The following OXR1 variants were observed in gnomAD, a reference collection of about 807,000 sequenced individuals.
OXR1 encodes oxidation resistance protein 1.
Under a neutral mutation model 104.6 loss-of-function variants are expected in OXR1, and 41 were observed. That is an observed-to-expected ratio of 0.39 (90% CI 0.31 to 0.51). OXR1 has a LOEUF of 0.51. Ranked by LOEUF, OXR1 falls within the 20% of genes least tolerant of loss-of-function variation. The probability of loss-of-function intolerance (pLI) is 0.77; values close to 1 mark genes in which losing one functional copy is unlikely to be tolerated. For synonymous variants in OXR1, 348 were observed against 348.4 expected (o/e 1.00, Z 0.01); for missense variants, 955 against 1,031.9 (o/e 0.93, Z 1.02).
intron 1 of OXR1, among the ~76,000 whole-genome samples, chr8:106,300,665 G>A (rs958669780): frequency 3.9e-5 from 6 of 152,176 alleles, no homozygotes; most frequent in Admixed American, 1.3e-4. Context: ...GGACTGTGCT[G>A]TACAGACATT....
intron 11 of OXR1, among the ~76,000 whole-genome samples, chr8:106,736,279 A>G (rs1215404519): frequency 2.0e-5 from 3 of 151,706 alleles, no homozygotes; most frequent in Non-Finnish European, 4.4e-5. Flanking sequence ...TATAATAATA[A>G]TGGCCAGAAT....
intron 2 of OXR1, among the ~76,000 whole-genome samples, chr8:106,496,495 A>C (rs890281049): frequency 6.6e-6 from 1 of 152,182 alleles, no homozygotes; most frequent in East Asian, 1.9e-4. Flanking sequence ...ATGTCTCCTC[A>C]ATCCAGGAAC....
intron 2 of OXR1, among the ~76,000 whole-genome samples, chr8:106,477,482 TTGAA>T (rs1176915752): frequency 2.6e-5 from 4 of 152,138 alleles, no homozygotes; most frequent in East Asian, 1.9e-4. Context: ...TCTCTAGACT[TTGAA>T]TGGCTCTGTG....
intron 2 of OXR1, among the ~76,000 whole-genome samples, chr8:106,396,111 A>G (rs1174300148): frequency 6.6e-6 from 1 of 152,118 alleles, no homozygotes; most frequent in Non-Finnish European, 1.5e-5. Context: ...ACATAAATAC[A>G]TAAATAAATA....
rs1421665364 is a variant in OXR1 at position 106,730,889 on chromosome 8, AAAAG to A, written c.1957-6619_1957-6616del. 3.3e-5 allele frequency among the ~76,000 whole-genome samples: 5 copies of A among 152,050 alleles called. 1 individual carries two copies. Among genetic ancestry groups the A allele is most frequent in the Admixed American group, 6.6e-5 (1 of 15,266 alleles). Reference sequence around the variant, plus strand: ...TAGTTAGACCTTGTCTTTAAAAAAAAAAAGAAAGAAAGAAAAAATAAGAAACAAA... The same window carrying A: ...TAGTTAGACCTTGTCTTTAAAAAAAAAAAGAAAGAAAAAATAAGAAACAAA... On this transcript the variant is annotated intron_variant, in intron 11 of 16. Coordinates refer to ENST00000517566, the MANE Select transcript of OXR1 (RefSeq NM_001198533.2).
At chr8:106,503,109 C>G (rs1022332710) in intron 2 of OXR1, among the ~76,000 whole-genome samples, 9 of 151,786 alleles carry the variant, frequency 5.9e-5, no homozygotes, top group African/African-American at 2.2e-4. Context: ...ACTCAATAAT[C>G]CTTCAATGAA....
intron 1 of OXR1, among the ~76,000 whole-genome samples, chr8:106,306,084 A>G (rs977919194): frequency 6.6e-6 from 1 of 151,566 alleles, no homozygotes; most frequent in Non-Finnish European, 1.5e-5. Context: ...GAATCTGATT[A>G]TCTAGATTTT....
chr8:106,650,307 T>C (rs1824455272), intron 3 of OXR1, among the ~76,000 whole-genome samples: 1 of 152,186 alleles, frequency 6.6e-6, no homozygotes. Context: ...TACTTTCCCA[T>C]TACGCTGCTA....
At chr8:106,573,889 T>A (rs982916068) in intron 3 of OXR1, among the ~76,000 whole-genome samples, 1 of 149,110 alleles carries the variant, frequency 6.7e-6, no homozygotes, top group African/African-American at 2.5e-5. Flanking sequence ...CTGGGCCATG[T>A]GGCATTTAAT....
intron 2 of OXR1, among the ~76,000 whole-genome samples, chr8:106,501,172 C>T (rs1332701849): frequency 6.6e-6 from 1 of 152,112 alleles, no homozygotes; most frequent in Non-Finnish European, 1.5e-5. Flanking sequence ...CCCTCTGTTG[C>T]TCAGGCAGTG....
intron 1 of OXR1, among the ~76,000 whole-genome samples, chr8:106,333,513 G>A (rs1226757016): frequency 6.6e-6 from 1 of 151,852 alleles, no homozygotes; most frequent in Non-Finnish European, 1.5e-5. Flanking sequence ...TTCTGTTTTT[G>A]GTTGGCTGTG....
intron 1 of OXR1, among the ~76,000 whole-genome samples, chr8:106,358,938 T>G (rs1166533094): frequency 6.6e-6 from 1 of 152,180 alleles, no homozygotes; most frequent in East Asian, 1.9e-4. Flanking sequence ...ATTTAGTGAA[T>G]AATTTAATTC....
At chr8:106,493,528 A>G (rs1157159973) in intron 2 of OXR1, among the ~76,000 whole-genome samples, 2 of 152,102 alleles carry the variant, frequency 1.3e-5, no homozygotes. Flanking sequence ...AGTGTAATTA[A>G]CTTCCCGTTT....
At chr8:106,586,569 G>T (rs1818647054) in intron 3 of OXR1, among the ~76,000 whole-genome samples, 1 of 152,178 alleles carries the variant, frequency 6.6e-6, no homozygotes, top group Non-Finnish European at 1.5e-5. Flanking sequence ...AACTGTACTA[G>T]AAATATTGAT....
At chr8:106,364,031 C>T (rs1202501489) in intron 2 of OXR1, among the ~76,000 whole-genome samples, 1 of 151,876 alleles carries the variant, frequency 6.6e-6, no homozygotes, top group Non-Finnish European at 1.5e-5. Context: ...GTGCTGGTAA[C>T]TGGGAAATAC....
chr8:106,386,625 C>T (rs558289340), intron 2 of OXR1, among the ~76,000 whole-genome samples: 2 of 152,248 alleles, frequency 1.3e-5, no homozygotes, highest in Admixed American at 6.5e-5. Flanking sequence ...TTTTTCTTCT[C>T]CTGCCCTCCT....
At chr8:106,573,242 C>T (rs1817597615) in intron 3 of OXR1, among the ~76,000 whole-genome samples, 1 of 151,998 alleles carries the variant, frequency 6.6e-6, no homozygotes, top group South Asian at 2.1e-4. Flanking sequence ...TCAAGAACCA[C>T]CCCACCCCTG....
At chr8:106,677,085 A>G (rs1401908058) in intron 3 of OXR1, among the ~76,000 whole-genome samples, 1 of 152,118 alleles carries the variant, frequency 6.6e-6, no homozygotes, top group Non-Finnish European at 1.5e-5. Context: ...AAGTAAATAC[A>G]AACTAACGGT....
chr8:106,709,020 A>G (rs1264859032), intron 9 of OXR1, among the ~76,000 whole-genome samples: 2 of 152,134 alleles, frequency 1.3e-5, no homozygotes, highest in African/African-American at 4.8e-5. Flanking sequence ...ACTTGAACCA[A>G]GTTCTATAAA....
Sources: allele counts gnomAD v4.1 joint callset (sites outside exome capture counted in the v4.1 genomes callset), GRCh38; gene constraint gnomAD v4.1.1; transcripts MANE v1.5; gene names NCBI Gene and HGNC (gene_info 2026-07-23, HGNC 2026-07-21).